SGCZ: variants seen among roughly 807,000 people sequenced by gnomAD.
SGCZ encodes zeta-sarcoglycan.
SGCZ carries 40 observed loss-of-function variants against 41.3 expected under a neutral mutation model. The observed-to-expected ratio is 0.97, with a 90% CI of 0.75 to 1.26. SGCZ has a LOEUF of 1.26. Ranked by LOEUF, SGCZ falls within the 50% of genes most tolerant of loss-of-function variation. The pLI is 0.00. For missense variants in SGCZ, 552 were observed against 369.8 expected, an observed-to-expected ratio of 1.49 and a Z score of -4.04; for synonymous variants, 206 against 137.5, an observed-to-expected ratio of 1.50 and a Z score of -3.49.
intron 1 of SGCZ, among the ~76,000 whole-genome samples, chr8:14,874,036 A>G (rs1342526007): frequency 6.6e-6 from 1 of 152,004 alleles, no homozygotes; most frequent in Admixed American, 6.6e-5. Context: ...AAACCATGGA[A>G]AACTGTGATT....
chr8:14,964,929 AC>A (rs1801083756), intron 1 of SGCZ, among the ~76,000 whole-genome samples: 1 of 152,026 alleles, frequency 6.6e-6, no homozygotes, highest in African/African-American at 2.4e-5. Context: ...AACCTGGTGA[AC>A]CCTAAGGCCA....
At chr8:15,003,618 A>G (rs1802503137) in intron 1 of SGCZ, among the ~76,000 whole-genome samples, 1 of 152,218 alleles carries the variant, frequency 6.6e-6, no homozygotes, top group African/African-American at 2.4e-5. Context: ...AGCACGTCAA[A>G]TAGAAATCTA....
At chr8:14,534,641 C>T (rs1034725778) in intron 2 of SGCZ, among the ~76,000 whole-genome samples, 4 of 151,476 alleles carry the variant, frequency 2.6e-5, no homozygotes, top group Non-Finnish European at 5.9e-5. Context: ...GGAGGAGGAA[C>T]CTTAATCAAA....
At chr8:14,914,483 G>T (rs937039841) in intron 1 of SGCZ, among the ~76,000 whole-genome samples, 1 of 151,468 alleles carries the variant, frequency 6.6e-6, no homozygotes, top group Non-Finnish European at 1.5e-5. Context: ...GGCCCACAAA[G>T]AAATACTATT....
At chr8:14,143,290 C>A (rs1198481498) in intron 5 of SGCZ, among the ~76,000 whole-genome samples, 1 of 151,998 alleles carries the variant, frequency 6.6e-6, no homozygotes, top group African/African-American at 2.4e-5. Context: ...CATTCCCTTA[C>A]TAAAATAGCA....
chr8:15,163,997 T>C (rs891321782), intron 1 of SGCZ, among the ~76,000 whole-genome samples: 3 of 152,238 alleles, frequency 2.0e-5, no homozygotes, highest in Non-Finnish European at 4.4e-5. Flanking sequence ...GCGTGGAACC[T>C]GGCATTCCAA....
chr8:14,853,643 G>C (rs1230439219), intron 1 of SGCZ: 2 of 329,884 alleles, frequency 6.1e-6, no homozygotes, highest in Non-Finnish European at 1.3e-5. Context: ...AATCTAAATA[G>C]ATTGTCATCA....
chr8:14,738,005 T>C (rs1030860859), intron 1 of SGCZ, among the ~76,000 whole-genome samples: 2 of 152,064 alleles, frequency 1.3e-5, no homozygotes, highest in African/African-American at 4.8e-5. Context: ...TAAATAATGA[T>C]CCCAAGTTCA....
intron 1 of SGCZ, among the ~76,000 whole-genome samples, chr8:15,201,804 C>A (rs1390080139): frequency 6.6e-6 from 1 of 152,184 alleles, no homozygotes; most frequent in Non-Finnish European, 1.5e-5. Context: ...ATATGTGGAG[C>A]ATTTTTTTCA....
chr8:14,535,101 C>G (rs932258968), intron 2 of SGCZ, among the ~76,000 whole-genome samples: 4 of 151,904 alleles, frequency 2.6e-5, no homozygotes, highest in Non-Finnish European at 5.9e-5. Flanking sequence ...ACTAACTGTA[C>G]ACAAACATTT....
intron 1 of SGCZ, among the ~76,000 whole-genome samples, chr8:14,566,917 C>T (rs1042703157): frequency 6.6e-6 from 1 of 152,174 alleles, no homozygotes; most frequent in Non-Finnish European, 1.5e-5. Flanking sequence ...GCCCCACACT[C>T]AGAGCGGCCG....
intron 2 of SGCZ, among the ~76,000 whole-genome samples, chr8:14,392,568 C>G (rs7826553): frequency 0.17 from 25,559 of 152,082 alleles, 5,046 homozygotes; most frequent in African/African-American, 0.48. Flanking sequence ...CATGTACATA[C>G]ACCTTAGAAC....
chr8:14,757,252 T>A (rs1799707403), intron 1 of SGCZ, among the ~76,000 whole-genome samples: 1 of 152,190 alleles, frequency 6.6e-6, no homozygotes, highest in Non-Finnish European at 1.5e-5. Context: ...TTTCACTATG[T>A]TGGCCAGGCT....
At chr8:14,590,343 T>G (rs1201635170) in intron 1 of SGCZ, among the ~76,000 whole-genome samples, 1 of 151,982 alleles carries the variant, frequency 6.6e-6, no homozygotes, top group Non-Finnish European at 1.5e-5. Context: ...ATTGTTAATA[T>G]TTTGGAAATA....
At chr8:14,263,505 T>C (rs529125113) in intron 3 of SGCZ, among the ~76,000 whole-genome samples, 1 of 152,106 alleles carries the variant, frequency 6.6e-6, no homozygotes, top group Non-Finnish European at 1.5e-5. Flanking sequence ...GCCACGATGA[T>C]GCCACTGCAC....
intron 1 of SGCZ, among the ~76,000 whole-genome samples, chr8:14,869,896 A>G (rs535412219): frequency 4.6e-5 from 7 of 152,332 alleles, no homozygotes; most frequent in African/African-American, 1.7e-4. Flanking sequence ...CTCTTCAAGG[A>G]GAACTACAAA....
At chr8:14,678,274 A>G (rs943843876) in intron 1 of SGCZ, among the ~76,000 whole-genome samples, 3 of 152,230 alleles carry the variant, frequency 2.0e-5, no homozygotes, top group Admixed American at 6.5e-5. Context: ...AGGCTAAGAG[A>G]AAATATTGTA....
chr8:14,410,203 T>A (rs1186103651), intron 2 of SGCZ, among the ~76,000 whole-genome samples: 1 of 152,084 alleles, frequency 6.6e-6, no homozygotes, highest in Non-Finnish European at 1.5e-5. Context: ...GGAACATTTA[T>A]CCCGAAACCA....
intron 5 of SGCZ, among the ~76,000 whole-genome samples, chr8:14,122,653 T>C (rs550545152): frequency 6.6e-6 from 1 of 152,302 alleles, no homozygotes; most frequent in South Asian, 2.1e-4. Context: ...TGCATAAATG[T>C]CTACATTTTT....
Sources: gnomAD v4.1 joint callset for allele counts (sites outside exome capture counted in the v4.1 genomes callset) on GRCh38, gnomAD v4.1.1 for gene constraint, MANE v1.5 for transcripts, NCBI Gene and HGNC (gene_info 2026-07-23, HGNC 2026-07-21) for gene names.